SPINK8: variants seen among roughly 807,000 people sequenced by gnomAD.
SPINK8 encodes the protein serine protease inhibitor Kazal-type 8.
Under a neutral mutation model 14.4 loss-of-function variants are expected in SPINK8, and 12 were observed. The observed-to-expected ratio is 0.83, with a 90% CI of 0.53 to 1.35. The LOEUF (loss-of-function observed/expected upper bound fraction) is 1.35. SPINK8 is among the 40% of genes most tolerant of loss of function. The pLI is 0.00. For missense variants in SPINK8, 103 were observed against 117.0 expected (o/e 0.88, Z 0.55); for synonymous variants, 32 against 37.6 (o/e 0.85, Z 0.55).
At chr3:48,320,014 C>T (rs2107098498) in intron 5 of SPINK8, among the ~76,000 whole-genome samples, 1 of 151,774 alleles carries the variant, frequency 6.6e-6, no homozygotes, top group African/African-American at 2.4e-5. Context: ...CCTGTAGTCC[C>T]AGCTGCTGGG....
intron 6 of SPINK8, among the ~76,000 whole-genome samples, chr3:48,313,486 G>T (rs1560014919): frequency 6.6e-6 from 1 of 152,208 alleles, no homozygotes; most frequent in East Asian, 1.9e-4. Context: ...TAGCAAGGAT[G>T]TGAAGAAATT....
At chr3:48,324,588 A>G (rs903956581) in intron 4 of SPINK8, among the ~76,000 whole-genome samples, 2 of 152,192 alleles carry the variant, frequency 1.3e-5, no homozygotes, top group African/African-American at 2.4e-5. Context: ...TTACATTTCT[A>G]TATGTTCTCT....
intron 6 of SPINK8, among the ~76,000 whole-genome samples, chr3:48,311,880 A>G (rs1464667612): frequency 1.3e-5 from 2 of 152,248 alleles, no homozygotes; most frequent in African/African-American, 4.8e-5. Flanking sequence ...TGGAAATAGA[A>G]AAGCCAATCT....
intron 6 of SPINK8, among the ~76,000 whole-genome samples, chr3:48,312,509 G>T (rs984023710): frequency 6.6e-6 from 1 of 151,826 alleles, no homozygotes; most frequent in Non-Finnish European, 1.5e-5. Flanking sequence ...CAGGCTTGGT[G>T]GTGGGCACCT....
intron 4 of SPINK8, among the ~76,000 whole-genome samples, chr3:48,326,750 A>G (rs2036147210): frequency 6.6e-6 from 1 of 152,124 alleles, no homozygotes; most frequent in Non-Finnish European, 1.5e-5. Context: ...CTCTACTAAA[A>G]ATAAAAAAAA....
intron 7 of SPINK8, among the ~76,000 whole-genome samples, chr3:48,307,917 A>G (rs1016609305): frequency 4.7e-5 from 7 of 147,794 alleles, no homozygotes; most frequent in Non-Finnish European, 7.4e-5. Context: ...TACTAGCTCT[A>G]GATCACTGAG....
At chr3:48,319,780 C>T (rs1392701150) in intron 5 of SPINK8, among the ~76,000 whole-genome samples, 162 bp from the exon 6 acceptor site, 1 of 152,138 alleles carries the variant, frequency 6.6e-6, no homozygotes. Flanking sequence ...TTACCACCCA[C>T]AATATGTATA....
intron 4 of SPINK8, among the ~76,000 whole-genome samples, chr3:48,321,787 G>A (rs1037679425): frequency 1.3e-5 from 2 of 151,594 alleles, no homozygotes; most frequent in East Asian, 1.9e-4. Flanking sequence ...ACACTTCAGC[G>A]TGGGTGAAAG....
At chr3:48,325,326 T>C (rs1197941345) in intron 4 of SPINK8, among the ~76,000 whole-genome samples, 1 of 152,172 alleles carries the variant, frequency 6.6e-6, no homozygotes, top group Admixed American at 6.5e-5. Flanking sequence ...ACACCTGCCA[T>C]TTTACTTTTT....
chr3:48,321,692 T>C (rs1407530086), intron 4 of SPINK8, among the ~76,000 whole-genome samples: 2 of 151,260 alleles, frequency 1.3e-5, no homozygotes, highest in Non-Finnish European at 2.9e-5. Context: ...TGCATGCCTG[T>C]AGTCCCAGCT....
chr3:48,321,783 C>T (rs1287816666), intron 4 of SPINK8, among the ~76,000 whole-genome samples: 1 of 151,372 alleles, frequency 6.6e-6, no homozygotes, highest in Non-Finnish European at 1.5e-5. Context: ...CATTACACTT[C>T]AGCGTGGGTG....
chr3:48,322,342 G>GTT (rs1367117285), intron 4 of SPINK8, among the ~76,000 whole-genome samples: 3 of 141,034 alleles, frequency 2.1e-5, no homozygotes, highest in African/African-American at 2.6e-5. Flanking sequence ...GTTTCTTTTT[G>GTT]TTTTTTTTTT....
intron 6 of SPINK8, among the ~76,000 whole-genome samples, chr3:48,311,190 A>G (rs774965784): frequency 6.6e-6 from 1 of 152,194 alleles, no homozygotes; most frequent in Non-Finnish European, 1.5e-5. Flanking sequence ...AACAAAATCC[A>G]ACACCATTTC....
intron 6 of SPINK8, among the ~76,000 whole-genome samples, chr3:48,316,703 G>T (rs1318829090): frequency 6.6e-6 from 1 of 152,146 alleles, no homozygotes; most frequent in African/African-American, 2.4e-5. Flanking sequence ...AGCCCAGGAG[G>T]TCGAGGCTGC....
chr3:48,316,987 T>C (rs2107092886), intron 6 of SPINK8, among the ~76,000 whole-genome samples: 1 of 152,274 alleles, frequency 6.6e-6, no homozygotes, highest in Non-Finnish European at 1.5e-5. Context: ...CTTGAATTCA[T>C]GTGAAGAAAT....
chr3:48,327,340 C>T (rs775641441), intron 4 of SPINK8, among the ~76,000 whole-genome samples: 10 of 152,172 alleles, frequency 6.6e-5, no homozygotes, highest in Non-Finnish European at 1.2e-4. Context: ...AGTGTTCTAT[C>T]AACCGAACTT....
chr3:48,324,299 G>A (rs2036111851), intron 4 of SPINK8, among the ~76,000 whole-genome samples: 1 of 152,154 alleles, frequency 6.6e-6, no homozygotes, highest in South Asian at 2.1e-4. Flanking sequence ...TTCATTAGTA[G>A]TGTATAGATA....
At chr3:48,309,874 A>G in intron 7 of SPINK8, 30 bp downstream of exon 7, 1 of 1,449,270 alleles carries the variant, frequency 6.9e-7, no homozygotes, top group Non-Finnish European at 9.1e-7. Context: ...TTTACTTCTA[A>G]AAATAAAAAA....
chr3:48,309,820 A>G, intron 7 of SPINK8, 84 bp downstream of exon 7: 1 of 1,372,688 alleles, frequency 7.3e-7, no homozygotes, highest in Non-Finnish European at 9.4e-7. Context: ...TTCATAACAA[A>G]ACATTTAAAA....
Sources: gnomAD v4.1 joint callset for allele counts (sites outside exome capture counted in the v4.1 genomes callset) on GRCh38, gnomAD v4.1.1 for gene constraint, MANE v1.5 for transcripts, NCBI Gene and HGNC (gene_info 2026-07-23, HGNC 2026-07-21) for gene names.